The following CEP290 variants were observed in gnomAD, a reference collection of about 807,000 sequenced individuals.
CEP290 encodes centrosomal protein of 290 kDa.
In CEP290, 317 loss-of-function variants were observed where a neutral mutation model predicts 344.9. The ratio of observed to expected loss-of-function variants is 0.92; its 90% CI spans 0.84 to 1.01. CEP290 has a LOEUF of 1.01. Among genes scored for constraint, CEP290 ranks in the 50% least tolerant of loss-of-function variants. The pLI is 0.00. For missense variants in CEP290, 2,754 were observed against 2,761.4 expected (o/e 1.00, Z 0.06); for synonymous variants, 932 against 895.8 (o/e 1.04, Z -0.72).
chr12:88,113,892 C>A (rs1402680409), intron 20 of CEP290, among the ~76,000 whole-genome samples: 1 of 151,858 alleles, frequency 6.6e-6, no homozygotes, highest in Admixed American at 6.6e-5. Flanking sequence ...TGAAAAAAAA[C>A]TACCTAGATG....
intron 53 of CEP290, 94 bp downstream of exon 53, chr12:88,050,260 T>C: frequency 1.5e-6 from 1 of 654,780 alleles, no homozygotes. Flanking sequence ...ATGTTATTAC[T>C]GAATTTTTTA....
intron 7 of CEP290, 102 bp from the exon 8 acceptor site, chr12:88,130,667 A>G (rs2040014733): frequency 2.3e-6 from 2 of 877,672 alleles, no homozygotes; most frequent in Non-Finnish European, 1.7e-6. Context: ...TTTTGGGAAA[A>G]TGATGCATAT....
At chr12:88,061,513 G>A (rs2034481045) in intron 46 of CEP290, among the ~76,000 whole-genome samples, 2 of 152,148 alleles carry the variant, frequency 1.3e-5, no homozygotes, top group Admixed American at 1.3e-4. Context: ...TATATCAGCA[G>A]AGATGAGTCA....
intron 49 of CEP290, among the ~76,000 whole-genome samples, chr12:88,056,475 T>A (rs1342957345): frequency 2.6e-5 from 4 of 152,196 alleles, no homozygotes; most frequent in Admixed American, 6.5e-5. Flanking sequence ...TGTCTAAATA[T>A]ATTCAAACAG....
chr12:88,068,417 T>G (rs1054471023), intron 44 of CEP290, 105 bp downstream of exon 44: 17 of 705,204 alleles, frequency 2.4e-5, no homozygotes, highest in Non-Finnish European at 3.6e-5. Flanking sequence ...TTACTATTAA[T>G]GAGAAAGATG....
At chr12:88,080,156 G>A in intron 38 of CEP290, 26 bp downstream of exon 38, 1 of 1,477,578 alleles carries the variant, frequency 6.8e-7, no homozygotes, top group Non-Finnish European at 9.2e-7. Flanking sequence ...TTTCCTAAAT[G>A]TTGATAATTT....
Position 88,089,245 on chromosome 12 carries a change from T to C in CEP290, c.3816A>G (p.Arg1272=). The C allele has an allele frequency of 6.2e-7, 1 of 1,613,962 alleles. No homozygotes were observed. The highest frequency in any genetic ancestry group is 1.1e-5 in the South Asian group (1 of 91,082). The change falls in exon 31 of 54, where the codon CGA becomes CGG. Residue 1272 remains arginine, a synonymous_variant. Transcript: ENST00000552810. ...CCAAGGGTAAAGCTCCACTAAACTGTCGTCGTAGAGACTGAATTGTTTGGC... is the reference window on the plus strand; with the variant it reads ...CCAAGGGTAAAGCTCCACTAAACTGCCGTCGTAGAGACTGAATTGTTTGGC... ...HLRQTIQSLR[R]QFSGALPLAQ...
Position 88,049,192 on chromosome 12 carries a change from T to C in CEP290, c.7432A>G (p.Ile2478Val), listed in dbSNP as rs564319952. The change falls in exon 54 of 54, where the codon ATT becomes GTT. Residue 2478 changes from isoleucine (I) to valine (V), a missense_variant. Transcript: ENST00000552810. ...DEEESPVNFP[I>V]Y Reference sequence around the variant, plus strand: ...AAGTTTATAGGTGACCTTTAGTAAATGGGGAAATTAACAGGACTTTCTTCT... The same window carrying C: ...AAGTTTATAGGTGACCTTTAGTAAACGGGGAAATTAACAGGACTTTCTTCT... 6.3e-7 allele frequency: 1 copy of C among 1,583,454 alleles called. No homozygotes were observed. Among genetic ancestry groups the C allele is most frequent in the Non-Finnish European group, 8.6e-7 (1 of 1,166,444 alleles).
At chr12:88,075,641 G>A (rs2035712332) in intron 41 of CEP290, among the ~76,000 whole-genome samples, 1 of 151,998 alleles carries the variant, frequency 6.6e-6, no homozygotes, top group African/African-American at 2.4e-5. Context: ...ACAGGGGTGG[G>A]TTTTGTTACA....
At chr12:88,057,822 A>C (rs537358699) in intron 49 of CEP290, 1 of 152,148 alleles carries the variant, frequency 6.6e-6, no homozygotes, top group African/African-American at 2.4e-5. Context: ...CGGTACTAAG[A>C]CTCCCATCCT....
intron 12 of CEP290, 140 bp from the exon 13 acceptor site, chr12:88,125,509 G>T: frequency 5.7e-6 from 2 of 349,674 alleles, no homozygotes; most frequent in Non-Finnish European, 1.0e-5. Context: ...TTACCATTTT[G>T]TACACTTCAA....
chr12:88,065,055 A>AT (rs574518732), intron 44 of CEP290, among the ~76,000 whole-genome samples: 13 of 151,712 alleles, frequency 8.6e-5, no homozygotes, highest in Admixed American at 2.0e-4. Flanking sequence ...TCTAAACTTT[A>AT]TTTTTTTTAA....
At chr12:88,082,042 G>GTCTTTACTCACTTTGATTAT (rs2036236775) in intron 37 of CEP290, among the ~76,000 whole-genome samples, 1 of 152,188 alleles carries the variant, frequency 6.6e-6, no homozygotes, top group African/African-American at 2.4e-5. Context: ...GAATAAGTGA[G>GTCTTTACTCACTTTGATTAT]TAAAGAATCA....
chr12:88,064,222 AG>A, intron 44 of CEP290, 107 bp from the exon 45 acceptor site: 1 of 920,156 alleles, frequency 1.1e-6, no homozygotes. Flanking sequence ...TTTTCCTCAA[AG>A]GAATATGAGA....
intron 44 of CEP290, among the ~76,000 whole-genome samples, chr12:88,065,193 TC>T (rs1247301578): frequency 6.6e-6 from 1 of 152,042 alleles, no homozygotes; most frequent in South Asian, 2.1e-4. Flanking sequence ...CATTTTTTTC[TC>T]CTTTCTCTCT....
Position 88,115,508 on chromosome 12 carries a change from C to T in CEP290, c.1825-326G>A, listed in dbSNP as rs1291598160. 13 of 1,297,832 alleles carry T rather than the reference C, an allele frequency of 1.0e-5. No individual in the cohort carries two copies. In the East Asian group the frequency reaches 6.5e-4, roughly 64 times the overall value. The allele number at this position is 1,297,832 out of a possible 1,614,324, so 80.4% of individuals were successfully genotyped here. A position where few individuals can be genotyped will look rare whatever the true frequency, so the allele number is the denominator to read the frequency against. On this transcript the variant is annotated intron_variant, in intron 18 of 53. Transcript: ENST00000552810. Reference sequence around the variant, plus strand: ...CTGCCTGGCTTCTGTGATGTTCAAGCTCTATATCTGCATTTCTACACTCTG... The same window carrying T: ...CTGCCTGGCTTCTGTGATGTTCAAGTTCTATATCTGCATTTCTACACTCTG...
At chr12:88,113,990 T>A (rs1419608569) in intron 20 of CEP290, among the ~76,000 whole-genome samples, 1 of 152,112 alleles carries the variant, frequency 6.6e-6, no homozygotes, top group East Asian at 1.9e-4. Flanking sequence ...ACTTTGCCAT[T>A]TTTAAAGATT....
chr12:88,061,887 T>G, intron 46 of CEP290, among the ~76,000 whole-genome samples: 1 of 152,082 alleles, frequency 6.6e-6, no homozygotes, highest in Non-Finnish European at 1.5e-5. Flanking sequence ...CAAGCAATTC[T>G]CCTGCCTCAA....
At position 88,060,991 on chromosome 12, in the gene CEP290, C is replaced by A; in HGVS notation, c.6361G>T (p.Gly2121Cys). ...QRKLGHVRGS[G>C]RSGKTIPELE... ...TCTGGGATTGTCTTTCCACTTCTACCAGACTACGAAAGAATATGTTAAATC... is the reference window on the plus strand; with the variant it reads ...TCTGGGATTGTCTTTCCACTTCTACAAGACTACGAAAGAATATGTTAAATC... The change falls in exon 47 of 54, where the codon GGT becomes TGT. Residue 2121 changes from glycine to cysteine, a missense_variant. Gly to Cys is a radical substitution (Grantham distance 159). Transcript: ENST00000552810. 1 of 1,546,402 alleles carries A rather than the reference C, an allele frequency of 6.5e-7. No homozygotes were observed. The highest frequency in any genetic ancestry group is 8.7e-7 in the Non-Finnish European group (1 of 1,146,542).
Sources: gnomAD v4.1 joint callset for allele counts (sites outside exome capture counted in the v4.1 genomes callset) on GRCh38, gnomAD v4.1.1 for gene constraint, MANE v1.5 for transcripts, NCBI Gene and HGNC (gene_info 2026-07-23, HGNC 2026-07-21) for gene names.